IFT81: variants seen among roughly 807,000 people sequenced by gnomAD.
IFT81 encodes the protein intraflagellar transport protein 81 homolog.
In IFT81, 72 loss-of-function variants were observed where a neutral mutation model predicts 102.6. That is an observed-to-expected ratio of 0.70 (90% CI 0.58 to 0.85). The LOEUF is 0.85. Among genes scored for constraint, IFT81 ranks in the 40% least tolerant of loss-of-function variants. The pLI is 0.00. For missense variants in IFT81, 723 were observed against 787.3 expected (o/e 0.92, Z 0.98); for synonymous variants, 237 against 242.7 (o/e 0.98, Z 0.22).
At chr12:110,191,382 G>C (rs962317534) in intron 13 of IFT81, among the ~76,000 whole-genome samples, 5 of 151,884 alleles carry the variant, frequency 3.3e-5, no homozygotes, top group Admixed American at 2.0e-4. Flanking sequence ...TGTTGGGCAG[G>C]CTGGTCTCTA....
At chr12:110,157,242 G>A (rs997842433) in intron 10 of IFT81, among the ~76,000 whole-genome samples, 1 of 152,050 alleles carries the variant, frequency 6.6e-6, no homozygotes, top group Non-Finnish European at 1.5e-5. Context: ...CCAGCTACTC[G>A]GGAGGCTGAG....
chr12:110,206,555 G>A (rs908244903), intron 17 of IFT81, among the ~76,000 whole-genome samples: 1 of 152,106 alleles, frequency 6.6e-6, no homozygotes, highest in African/African-American at 2.4e-5. Flanking sequence ...GGCGCCCGTA[G>A]TCCCAGCTAC....
intron 13 of IFT81, 61 bp downstream of exon 13, chr12:110,191,109 T>G (rs1897777898): frequency 1.4e-6 from 2 of 1,418,820 alleles, no homozygotes; most frequent in South Asian, 2.7e-5. Context: ...GTGTTTTGTG[T>G]TAGTTTTATT....
chr12:110,139,927 A>G (rs1251538950), intron 8 of IFT81, among the ~76,000 whole-genome samples: 3 of 151,084 alleles, frequency 2.0e-5, no homozygotes, highest in Non-Finnish European at 2.9e-5. Context: ...TTAGCTGGGC[A>G]TGGTGGTACA....
At chr12:110,154,450 G>T (rs1230206339) in intron 10 of IFT81, among the ~76,000 whole-genome samples, 2 of 151,658 alleles carry the variant, frequency 1.3e-5, no homozygotes, top group South Asian at 2.1e-4. Context: ...GGCCAACATG[G>T]TGAAACCCTG....
chr12:110,186,799 C>T (rs890136220), intron 12 of IFT81, among the ~76,000 whole-genome samples: 3 of 152,078 alleles, frequency 2.0e-5, no homozygotes, highest in Admixed American at 6.6e-5. Context: ...CAAGGCTGGG[C>T]TTACAGGCAT....
chr12:110,132,623 C>G lies in IFT81; in HGVS notation c.506C>G (p.Ala169Gly), dbSNP rs759379936. Reference protein sequence around the residue: ...EQLKISGFSTAEIRKDISAME... With the variant: ...EQLKISGFSTGEIRKDISAME... ...CTCAAGATATCTGGATTTTCTACAG[C>G]AGAAATAAGAAAGGTAAAGGAAAGA... Residue 169 changes from alanine to glycine, a missense_variant, in exon 5 of 19, where the codon GCA (alanine) becomes GGA (glycine). Coordinates refer to ENST00000242591, the MANE Select transcript of IFT81 (RefSeq NM_014055.4). 8.4e-6 allele frequency: 13 copies of G among 1,554,842 alleles called. No individual in the cohort carries two copies. In the South Asian group the frequency reaches 1.5e-4, roughly 18 times the overall value.
intron 14 of IFT81, among the ~76,000 whole-genome samples, chr12:110,200,202 G>C (rs1192619908): frequency 6.6e-6 from 1 of 152,204 alleles, no homozygotes; most frequent in East Asian, 1.9e-4. Flanking sequence ...TACGTTCTAA[G>C]AAATGCATAA....
intron 12 of IFT81, among the ~76,000 whole-genome samples, chr12:110,183,896 G>T (rs1391975818): frequency 6.6e-6 from 1 of 152,156 alleles, no homozygotes; most frequent in Non-Finnish European, 1.5e-5. Context: ...CTTTGGCATA[G>T]AATATTTGCC....
intron 10 of IFT81, among the ~76,000 whole-genome samples, chr12:110,155,360 G>T (rs1197703824): frequency 6.6e-6 from 1 of 152,082 alleles, no homozygotes; most frequent in African/African-American, 2.4e-5. Flanking sequence ...GCCCAGGCTG[G>T]AGTACAATGG....
chr12:110,169,036 CCTTCCTT>C (rs1399851855), intron 11 of IFT81: 2 of 126,514 alleles, frequency 1.6e-5, no homozygotes, highest in Non-Finnish European at 3.5e-5. Flanking sequence ...TTCCTTCCTT[CCTTCCTT>C]CCTTCCTTCC....
At chr12:110,154,628 C>CAAAAAAAAAAAA (rs201856295) in intron 10 of IFT81, among the ~76,000 whole-genome samples, 1 of 53,646 alleles carries the variant, frequency 1.9e-5, no homozygotes. Context: ...CTCTGTCTCA[C>CAAAAAAAAAAAA]AAAAAAAAAA....
In IFT81 at chr12:110,145,373, T is replaced by C. The variant is rs143592695; in HGVS notation, c.946-1580T>C. Among the ~76,000 whole-genome samples the C allele has an allele frequency of 3.3e-5, 5 of 151,950 alleles. No homozygotes were observed. The East Asian group carries it at 9.7e-4, about 29-fold the overall frequency. ...GAAATGTTTTGACTTGCTAATTCTTTAGTGTGCTTACTATGTGGTTAATAG... is the reference window on the plus strand; with the variant it reads ...GAAATGTTTTGACTTGCTAATTCTTCAGTGTGCTTACTATGTGGTTAATAG... On this transcript the variant is annotated intron_variant, in intron 9 of 18. Transcript: ENST00000242591.
intron 10 of IFT81, among the ~76,000 whole-genome samples, chr12:110,151,027 A>G (rs190010289): frequency 1.3e-5 from 2 of 152,322 alleles, no homozygotes; most frequent in East Asian, 3.9e-4. Context: ...ATTGAGATAT[A>G]ATTCACATAC....
chr12:110,179,765 TATATATATACACACAC>T (rs1194133122), intron 11 of IFT81, among the ~76,000 whole-genome samples: 2 of 69,212 alleles, frequency 2.9e-5, no homozygotes, highest in East Asian at 7.6e-4. Context: ...TATATATATA[TATATATATACACACAC>T]ACACACACAC....
At chr12:110,185,380 C>T (rs143069967) in intron 12 of IFT81, among the ~76,000 whole-genome samples, 2,443 of 151,472 alleles carry the variant, frequency 0.016, 34 homozygotes, top group Non-Finnish European at 0.025. Context: ...TTAGTAGAGA[C>T]GGGGTTTCAC....
chr12:110,152,060 G>GAT (rs1237765441), intron 10 of IFT81, among the ~76,000 whole-genome samples: 1 of 152,048 alleles, frequency 6.6e-6, no homozygotes, highest in Non-Finnish European at 1.5e-5. Context: ...TTCACTGATG[G>GAT]ATACATGGGT....
At chr12:110,165,754 G>A (rs1013506271) in intron 11 of IFT81, among the ~76,000 whole-genome samples, 3 of 152,164 alleles carry the variant, frequency 2.0e-5, no homozygotes, top group African/African-American at 7.2e-5. Context: ...TCTAAGATCT[G>A]TTGACCTTGA....
In IFT81 at chr12:110,143,492, G is replaced by A. The variant is rs781307888; in HGVS notation, c.892G>A (p.Val298Ile). 4.5e-6 allele frequency: 7 copies of A among 1,550,100 alleles called. No homozygotes were observed. The South Asian group carries it at 6.4e-5, about 14-fold the overall frequency. Residue 298 changes from valine (V) to isoleucine (I), a missense_variant, in exon 9 of 19, where the codon GTA (valine) becomes ATA (isoleucine). Coordinates refer to ENST00000242591, the MANE Select transcript of IFT81 (RefSeq NM_014055.4). ...KKKELHFLQK[V>I]VSEPAMGHSD... ...AAAGGAATTACATTTTTTACAAAAA[G>A]TAGTTTCAGAGCCAGCTATGGGCCA... is the stretch of plus-strand genomic sequence containing the variant.
Sources: gnomAD v4.1 joint callset for allele counts (sites outside exome capture counted in the v4.1 genomes callset) on GRCh38, gnomAD v4.1.1 for gene constraint, MANE v1.5 for transcripts, NCBI Gene and HGNC (gene_info 2026-07-23, HGNC 2026-07-21) for gene names.